PRKCZ: variants seen among roughly 807,000 people sequenced by gnomAD.
PRKCZ encodes protein kinase C zeta type.
In PRKCZ, 33 loss-of-function variants were observed where a neutral mutation model predicts 79.5. The observed-to-expected ratio is 0.41, with a 90% confidence interval of 0.31 to 0.55. PRKCZ has a LOEUF of 0.55. Among genes scored for constraint, PRKCZ ranks in the 20% least tolerant of loss-of-function variants. PRKCZ has a pLI of 0.19. For missense variants in PRKCZ, 578 were observed against 813.5 expected (o/e 0.71, Z 3.52); for synonymous variants, 342 against 320.9 (o/e 1.07, Z -0.70).
At chr1:2,107,040 T>G (rs1557576579) in intron 4 of PRKCZ, among the ~76,000 whole-genome samples, 1 of 152,244 alleles carries the variant, frequency 6.6e-6, no homozygotes, top group Non-Finnish European at 1.5e-5. Flanking sequence ...GCTGTCTCAG[T>G]TGTTTAAGAG....
At chr1:2,184,722 C>G (rs767430551) in intron 17 of PRKCZ, 24 bp downstream of exon 17, 1 of 1,597,234 alleles carries the variant, frequency 6.3e-7, no homozygotes, top group East Asian at 2.3e-5. Context: ...GGTGCGGGTC[C>G]CTGGAGCACC....
chr1:2,106,774 CCACACG>C lies in PRKCZ; in HGVS notation c.335-28487_335-28482del, dbSNP rs1668596271. Reference sequence around the variant, plus strand: ...AAGCCCCTCTGGTGGGCGAGGACCTCCACACGTGTCACCAGGCCAGGTGACTCTTCA... The same window carrying C: ...AAGCCCCTCTGGTGGGCGAGGACCTCTGTCACCAGGCCAGGTGACTCTTCA... On this transcript the variant is annotated intron_variant, in intron 4 of 17. Coordinates refer to ENST00000378567, the MANE Select transcript of PRKCZ (RefSeq NM_002744.6). 1.5e-5 allele frequency among the ~76,000 whole-genome samples: 2 copies of C among 129,114 alleles called. 1 individual carries two copies. The highest frequency in any genetic ancestry group is 1.6e-4 in the Admixed American group (2 of 12,702). 84.7% of individuals were successfully genotyped at this position (129,114 alleles called of 152,430 possible). A position where few individuals can be genotyped will look rare whatever the true frequency, so the allele number is the denominator to read the frequency against.
intron 2 of PRKCZ, 55 bp from the exon 3 acceptor site, chr1:2,056,429 G>A: frequency 6.6e-7 from 1 of 1,520,262 alleles, no homozygotes; most frequent in Non-Finnish European, 9.1e-7. Context: ...GCTCGTCACA[G>A]CCCCCTTTGC....
intron 10 of PRKCZ, among the ~76,000 whole-genome samples, chr1:2,161,612 C>T (rs1444077176): frequency 1.3e-5 from 2 of 152,158 alleles, no homozygotes; most frequent in Non-Finnish European, 2.9e-5. Flanking sequence ...TAGTTCTAAT[C>T]GGGAGGCACT....
chr1:2,085,211 G>A (rs916518300), intron 4 of PRKCZ, among the ~76,000 whole-genome samples: 7 of 152,154 alleles, frequency 4.6e-5, no homozygotes, highest in African/African-American at 9.7e-5. Context: ...TAGACTGTAC[G>A]GCTCTCTGAA....
chr1:2,130,099 T>TCACC (rs1674667091), intron 4 of PRKCZ, among the ~76,000 whole-genome samples: 1 of 151,972 alleles, frequency 6.6e-6, no homozygotes, highest in South Asian at 2.1e-4. Context: ...AGAGACGGGG[T>TCACC]CTCACCATAT....
chr1:2,066,151 G>A (rs932986840), intron 4 of PRKCZ, among the ~76,000 whole-genome samples: 1 of 152,110 alleles, frequency 6.6e-6, no homozygotes, highest in African/African-American at 2.4e-5. Flanking sequence ...AAGACTCAAT[G>A]GTCAGAGGCT....
intron 16 of PRKCZ, among the ~76,000 whole-genome samples, chr1:2,176,783 G>T (rs1290651793): frequency 6.6e-6 from 1 of 152,192 alleles, no homozygotes; most frequent in African/African-American, 2.4e-5. Context: ...GCCTTGCTTT[G>T]CCTGTGCATG....
At chr1:2,163,829 G>A (rs909489440) in intron 10 of PRKCZ, among the ~76,000 whole-genome samples, 10 of 152,108 alleles carry the variant, frequency 6.6e-5, no homozygotes, top group Non-Finnish European at 5.9e-5. Flanking sequence ...AACCCGGGAG[G>A]CGGAGCTTGC....
At chr1:2,155,470 T>A (rs561022892) in intron 9 of PRKCZ, among the ~76,000 whole-genome samples, 1 of 151,490 alleles carries the variant, frequency 6.6e-6, no homozygotes, top group African/African-American at 2.4e-5. Flanking sequence ...ATGGTGATGA[T>A]GACGGTGGTG....
At chr1:2,155,322 A>G (rs2103279248) in intron 9 of PRKCZ, among the ~76,000 whole-genome samples, 1 of 151,270 alleles carries the variant, frequency 6.6e-6, no homozygotes, top group South Asian at 2.1e-4. Context: ...GATGACAGTG[A>G]TGATGGTAGT....
intron 4 of PRKCZ, among the ~76,000 whole-genome samples, chr1:2,106,937 A>ATG (rs1668664786): frequency 6.6e-6 from 1 of 151,286 alleles, no homozygotes; most frequent in Non-Finnish European, 1.5e-5. Flanking sequence ...GGACCTCTGC[A>ATG]CGTGTCTCCA....
At chr1:2,072,485 C>T (rs943904377) in intron 4 of PRKCZ, among the ~76,000 whole-genome samples, 6 of 152,128 alleles carry the variant, frequency 3.9e-5, no homozygotes, top group African/African-American at 1.4e-4. Flanking sequence ...TGGGTGGGGC[C>T]TTTACTGTGG....
chr1:2,108,771 C>T (rs563826253), intron 4 of PRKCZ, among the ~76,000 whole-genome samples: 64 of 152,332 alleles, frequency 4.2e-4, no homozygotes, highest in African/African-American at 1.5e-3. Flanking sequence ...GGATGAACTT[C>T]CTGCGGCCGC....
At chr1:2,096,819 C>G (rs557937832) in intron 4 of PRKCZ, among the ~76,000 whole-genome samples, 4 of 152,192 alleles carry the variant, frequency 2.6e-5, no homozygotes, top group South Asian at 2.1e-4. Flanking sequence ...CTCATCCAGA[C>G]CTCGCTCTGC....
intron 9 of PRKCZ, among the ~76,000 whole-genome samples, chr1:2,152,126 C>T (rs1571854443): frequency 6.6e-6 from 1 of 152,356 alleles, no homozygotes; most frequent in East Asian, 1.9e-4. Context: ...GCTGGGATTA[C>T]AGGCATGAGT....
rs756256271 is a variant in PRKCZ at position 2,121,519 on chromosome 1, A to ATGGTGGTAGTTAGGGTTATGGTAGTTAG, written c.335-13743_335-13742insTGGTGGTAGTTAGGGTTATGGTAGTTAG. Among the ~76,000 whole-genome samples, 356 of 105,960 alleles carry ATGGTGGTAGTTAGGGTTATGGTAGTTAG rather than the reference A, an allele frequency of 3.4e-3. 41 individuals are homozygous for ATGGTGGTAGTTAGGGTTATGGTAGTTAG. In the East Asian group the frequency reaches 0.087, roughly 26 times the overall value. 69.5% of individuals were successfully genotyped at this position (105,960 alleles called of 152,430 possible). A position where few individuals can be genotyped will look rare whatever the true frequency, so the allele number is the denominator to read the frequency against. On this transcript the variant is annotated intron_variant, in intron 4 of 17. Coordinates refer to ENST00000378567, the MANE Select transcript of PRKCZ (RefSeq NM_002744.6). ...GTAGTTAGGATCATGGTGGTACTTA[A>ATGGTGGTAGTTAGGGTTATGGTAGTTAG]GGTCATGGCAGTAGTTAGGGTTATA...
chr1:2,067,655 G>A (rs896266161), intron 4 of PRKCZ, among the ~76,000 whole-genome samples: 5 of 152,146 alleles, frequency 3.3e-5, no homozygotes, highest in Non-Finnish European at 5.9e-5. Flanking sequence ...TCCGCATGAG[G>A]GGCCGCAGGT....
chr1:2,174,063 T>C lies in PRKCZ; in HGVS notation c.1405+47T>C. The C allele has an allele frequency of 6.5e-7, 1 of 1,528,214 alleles. No individual in the cohort carries two copies. Among genetic ancestry groups the C allele is most frequent in the South Asian group, 1.2e-5 (1 of 80,944 alleles). The allele number at this position is 1,528,214 out of a possible 1,614,324, so 94.7% of individuals were successfully genotyped here. A position where few individuals can be genotyped will look rare whatever the true frequency, so the allele number is the denominator to read the frequency against. ...CGTACCCCTCACCTGCACGACTGTC[T>C]TCCTTCCTTTTCAAAGGTGCAGGTG... is the stretch of plus-strand genomic sequence containing the variant. On this transcript the variant is annotated intron_variant, in intron 14 of 17. Coordinates refer to ENST00000378567, the MANE Select transcript of PRKCZ (RefSeq NM_002744.6). The surrounding 1 kb of genome is among the most constrained non-coding windows in gnomAD (Gnocchi z 6.2).
Sources: gnomAD v4.1 joint callset for allele counts (sites outside exome capture counted in the v4.1 genomes callset) on GRCh38, gnomAD v4.1.1 for gene constraint, Gnocchi (gnomAD v3.1) non-coding constraint, MANE v1.5 for transcripts, NCBI Gene and HGNC (gene_info 2026-07-23, HGNC 2026-07-21) for gene names.